Variants in DACH1 observed in about 807,000 individuals in gnomAD.
DACH1 encodes the protein dachshund family transcription factor 1.
In DACH1, 12 loss-of-function variants were observed where a neutral mutation model predicts 54.2. The ratio of observed to expected loss-of-function variants is 0.22; its 90% confidence interval spans 0.14 to 0.36. The LOEUF is 0.36. Ranked by LOEUF, DACH1 falls within the 10% of genes least tolerant of loss-of-function variation. The pLI is 1.00. For synonymous variants in DACH1, 386 were observed against 366.2 expected, an observed-to-expected ratio of 1.05 and a Z score of -0.62; for missense variants, 805 against 929.8, an observed-to-expected ratio of 0.87 and a Z score of 1.75.
intron 1 of DACH1, among the ~76,000 whole-genome samples, chr13:71,819,637 C>T (rs1484973868): frequency 6.6e-6 from 1 of 152,164 alleles, no homozygotes; most frequent in African/African-American, 2.4e-5. Context: ...AGAATGTACA[C>T]ATTCCATTCT....
At chr13:71,564,284 C>G (rs144076024) in intron 4 of DACH1, among the ~76,000 whole-genome samples, 1 of 151,820 alleles carries the variant, frequency 6.6e-6, no homozygotes, top group Non-Finnish European at 1.5e-5. Context: ...TTGTGTAATA[C>G]CCTTTAACGT....
At chr13:71,745,265 A>G (rs914476000) in intron 1 of DACH1, among the ~76,000 whole-genome samples, 12 of 152,160 alleles carry the variant, frequency 7.9e-5, no homozygotes, top group Non-Finnish European at 1.3e-4. Context: ...GTTCTACTAC[A>G]GGTTCATTAT....
intron 1 of DACH1, among the ~76,000 whole-genome samples, chr13:71,768,916 T>C (rs1354405648): frequency 6.6e-6 from 1 of 151,852 alleles, no homozygotes; most frequent in Non-Finnish European, 1.5e-5. Context: ...TTTCTCTTAG[T>C]TGTGATACTA....
chr13:71,729,533 A>C (rs548308815), intron 1 of DACH1, among the ~76,000 whole-genome samples: 1 of 152,196 alleles, frequency 6.6e-6, no homozygotes, highest in East Asian at 1.9e-4. Flanking sequence ...AAGCTATCAC[A>C]AAATCACTCT....
chr13:71,618,615 C>T (rs1193512881), intron 3 of DACH1, among the ~76,000 whole-genome samples: 1 of 151,610 alleles, frequency 6.6e-6, no homozygotes, highest in East Asian at 1.9e-4. Flanking sequence ...ATCCACACTA[C>T]AGCAGAATTA....
At chr13:71,691,318 G>A (rs890610808) in intron 1 of DACH1, among the ~76,000 whole-genome samples, 15 of 152,080 alleles carry the variant, frequency 9.9e-5, no homozygotes, top group Admixed American at 5.2e-4. Context: ...ATAAAATAAC[G>A]AAATAATTGC....
At chr13:71,823,644 C>T (rs1000157014) in intron 1 of DACH1, among the ~76,000 whole-genome samples, 2 of 151,500 alleles carry the variant, frequency 1.3e-5, no homozygotes, top group Non-Finnish European at 2.9e-5. Context: ...TAAAAGAAAG[C>T]AATTGTAGAT....
intron 6 of DACH1, among the ~76,000 whole-genome samples, chr13:71,490,839 T>C (rs938334484): frequency 2.0e-5 from 3 of 152,192 alleles, no homozygotes; most frequent in Admixed American, 1.3e-4. Flanking sequence ...CTTTCGATCA[T>C]CATCACCTTA....
At chr13:71,800,549 A>C (rs934728181) in intron 1 of DACH1, among the ~76,000 whole-genome samples, 5 of 152,114 alleles carry the variant, frequency 3.3e-5, no homozygotes, top group Admixed American at 6.6e-5. Context: ...GACTGCCTAT[A>C]AAGAAAGTAG....
chr13:71,866,836 G>A lies in DACH1; in HGVS notation c.-67C>T, dbSNP rs1006531576. The A allele has an allele frequency of 6.6e-6, 8 of 1,208,584 alleles. No homozygotes were observed. The highest frequency in any genetic ancestry group is 8.3e-6 in the Non-Finnish European group (8 of 962,264). The allele number at this position is 1,208,584 out of a possible 1,614,324, so 74.9% of individuals were successfully genotyped here. A position where few individuals can be genotyped will look rare whatever the true frequency, so the allele number is the denominator to read the frequency against. ...AAAAGTTGCCACACACCCCCGGGAG[G>A]GGAAGGGGAAAAAAGGGGGGAGAAG... On this transcript the variant is annotated 5_prime_UTR_variant, in exon 1 of 11. Transcript: ENST00000613252.
At chr13:71,472,775 A>G (rs1396632478) in intron 10 of DACH1, among the ~76,000 whole-genome samples, 1 of 152,178 alleles carries the variant, frequency 6.6e-6, no homozygotes, top group African/African-American at 2.4e-5. Flanking sequence ...CCGTTTCACA[A>G]ATTAGTAATG....
At chr13:71,478,778 G>A (rs1459748315) in intron 8 of DACH1, among the ~76,000 whole-genome samples, 1 of 152,072 alleles carries the variant, frequency 6.6e-6, no homozygotes, top group Non-Finnish European at 1.5e-5. Flanking sequence ...TGCTTCACTT[G>A]AATAATCAGT....
At chr13:71,596,690 G>A (rs1209477720) in intron 3 of DACH1, among the ~76,000 whole-genome samples, 2 of 152,116 alleles carry the variant, frequency 1.3e-5, no homozygotes, top group East Asian at 3.9e-4. Flanking sequence ...TTATAGGTAC[G>A]AACAAAGCAC....
chr13:71,720,059 T>G (rs2138800394), intron 1 of DACH1, among the ~76,000 whole-genome samples: 1 of 152,274 alleles, frequency 6.6e-6, no homozygotes, highest in African/African-American at 2.4e-5. Flanking sequence ...TGTCTTTAAA[T>G]TACTTGTACA....
intron 3 of DACH1, among the ~76,000 whole-genome samples, chr13:71,619,339 G>T (rs950858913): frequency 1.3e-5 from 2 of 151,818 alleles, no homozygotes; most frequent in African/African-American, 4.8e-5. Context: ...CAGTTTCAAA[G>T]GTCACTCTGT....
intron 2 of DACH1, among the ~76,000 whole-genome samples, chr13:71,664,141 A>G (rs2138659904): frequency 6.6e-6 from 1 of 152,116 alleles, no homozygotes; most frequent in African/African-American, 2.4e-5. Flanking sequence ...TTACTTTCTC[A>G]CCACTAGAAT....
At chr13:71,757,997 C>A (rs1195270158) in intron 1 of DACH1, among the ~76,000 whole-genome samples, 1 of 152,036 alleles carries the variant, frequency 6.6e-6, no homozygotes, top group East Asian at 1.9e-4. Flanking sequence ...ACAAACCTCT[C>A]TATGATTAAA....
intron 6 of DACH1, among the ~76,000 whole-genome samples, chr13:71,512,162 AT>A (rs1372022324): frequency 6.6e-6 from 1 of 151,482 alleles, no homozygotes; most frequent in Non-Finnish European, 1.5e-5. Flanking sequence ...TCAAATACCA[AT>A]TTTTTTTGAA....
At chr13:71,586,493 A>G (rs993843482) in intron 3 of DACH1, among the ~76,000 whole-genome samples, 1 of 152,172 alleles carries the variant, frequency 6.6e-6, no homozygotes, top group Non-Finnish European at 1.5e-5. Context: ...ACATCAGCAG[A>G]TAGGAAAACA....
Sources: allele counts gnomAD v4.1 joint callset (sites outside exome capture counted in the v4.1 genomes callset), GRCh38; gene constraint gnomAD v4.1.1; transcripts MANE v1.5; gene names NCBI Gene and HGNC (gene_info 2026-07-23, HGNC 2026-07-21).